The following TCHP variants were observed in gnomAD, a reference collection of about 807,000 sequenced individuals.
TCHP encodes trichoplein keratin filament binding.
A neutral mutation model predicts 88.7 loss-of-function variants in TCHP; 81 were observed. That is an observed-to-expected ratio of 0.91 (90% confidence interval 0.76 to 1.10). The LOEUF is 1.10. Ranked by LOEUF, TCHP falls within the 50% of genes least tolerant of loss-of-function variation. TCHP has a pLI of 0.00. For synonymous variants in TCHP, 232 were observed against 232.5 expected, an observed-to-expected ratio of 1.00 and a Z score of 0.02; for missense variants, 641 against 632.1, an observed-to-expected ratio of 1.01 and a Z score of -0.15.
In TCHP at chr12:109,908,870, G is replaced by C; in HGVS notation, c.813-1G>C. Reference sequence around the variant, plus strand: ...GCAGCCCACATTTGATTCTCCTTCAGGCGTTTCTTGAGACATCAGTATAAC... The same window carrying C: ...GCAGCCCACATTTGATTCTCCTTCACGCGTTTCTTGAGACATCAGTATAAC... On this transcript the variant is annotated splice_acceptor_variant, in intron 7 of 12. Coordinates refer to ENST00000405876, the MANE Select transcript of TCHP (RefSeq NM_001143852.2). LOFTEE classifies it high-confidence loss of function. The C allele has an allele frequency of 1.2e-6, 2 of 1,614,098 alleles. No individual in the cohort carries two copies. The highest frequency in any genetic ancestry group is 1.1e-5 in the South Asian group (1 of 91,060).
upstream of TCHP, among the ~76,000 whole-genome samples, chr12:109,896,003 G>A (rs544986020): frequency 9.9e-5 from 15 of 152,176 alleles, no homozygotes; most frequent in Admixed American, 7.8e-4. Context: ...TTGGAGTGCA[G>A]TGGCATGATT....
intron 4 of TCHP, 31 bp from the exon 5 acceptor site, chr12:109,906,541 G>C (rs770834751): frequency 1.7e-5 from 28 of 1,610,232 alleles, no homozygotes; most frequent in Non-Finnish European, 2.3e-5. Flanking sequence ...GTCTGGTGAG[G>C]AAATTCACAT....
chr12:109,894,327 G>A, the TCHP span, among the ~76,000 whole-genome samples: 1 of 151,848 alleles, frequency 6.6e-6, no homozygotes, highest in African/African-American at 2.4e-5. Context: ...GGGCGTGGTG[G>A]TGGGCACCTG....
At chr12:109,889,677 G>C in the TCHP span, among the ~76,000 whole-genome samples, 1 of 152,154 alleles carries the variant, frequency 6.6e-6, no homozygotes, top group East Asian at 1.9e-4. Flanking sequence ...GATTTCAATG[G>C]GTTAATGTAG....
rs1291504713 is a variant in TCHP at position 109,911,183 on chromosome 12, G to A, written c.1000G>A (p.Glu334Lys). The A allele has an allele frequency of 1.9e-6, 3 of 1,591,414 alleles. No individual in the cohort carries two copies. The highest frequency in any genetic ancestry group is 2.6e-6 in the Non-Finnish European group (3 of 1,171,546). ...GGCCTGGATGAAGCAGGCCATTGAG[G>A]AGCAGCTGCAGCTGGAGCGGGCGCG... ...DVAWMKQAIEEQLQLERAREA... is the reference protein window; with the variant it reads ...DVAWMKQAIEKQLQLERAREA... The change falls in exon 9 of 13, where the codon GAG becomes AAG. Residue 334 changes from glutamate to lysine, a missense_variant. By Grantham distance (56) the Glu-to-Lys change is moderately conservative. Coordinates refer to ENST00000405876, the MANE Select transcript of TCHP (RefSeq NM_001143852.2).
In TCHP at chr12:109,917,463, C is replaced by A. The variant is rs1044107888; in HGVS notation, c.*840C>A. The A allele has an allele frequency of 1.3e-5, 2 of 152,140 alleles. No individual in the cohort carries two copies. Among genetic ancestry groups the A allele is most frequent in the Non-Finnish European group, 2.9e-5 (2 of 68,044 alleles). The allele number at this position is 152,140 out of a possible 1,614,324, so 9.4% of individuals were successfully genotyped here. A position where few individuals can be genotyped will look rare whatever the true frequency, so the allele number is the denominator to read the frequency against. On this transcript the variant is annotated 3_prime_UTR_variant, in exon 13 of 13. Transcript: ENST00000405876. ...CCCCATCTCTAAAACCAAAAAGGTA[C>A]CTTAGAAGGTCACCTGGTTGGCTAA...
At chr12:109,885,542 G>A in the TCHP span, among the ~76,000 whole-genome samples, 1 of 147,914 alleles carries the variant, frequency 6.8e-6, no homozygotes. Flanking sequence ...GAGTGCAGTG[G>A]CACAATCTCG....
At position 109,917,184 on chromosome 12, in the gene TCHP, C is replaced by T. The variant is rs1263488577; in HGVS notation, c.*561C>T. 6.6e-6 allele frequency: 1 copy of T among 152,250 alleles called. No homozygotes were observed. The highest frequency in any genetic ancestry group is 1.5e-5 in the Non-Finnish European group (1 of 68,080). The allele number at this position is 152,250 out of a possible 1,614,324, so 9.4% of individuals were successfully genotyped here. On this transcript the variant is annotated 3_prime_UTR_variant, in exon 13 of 13. Transcript: ENST00000405876. Reference sequence around the variant, plus strand: ...GTGAACAAATTAGAACCCCGGAACACTCTGACGTCCATGGACGCATTCCAG... The same window carrying T: ...GTGAACAAATTAGAACCCCGGAACATTCTGACGTCCATGGACGCATTCCAG...
chr12:109,912,383 G>A (rs1189760267), intron 9 of TCHP, among the ~76,000 whole-genome samples: 4 of 152,146 alleles, frequency 2.6e-5, no homozygotes, highest in South Asian at 2.1e-4. Flanking sequence ...CACAGGCAGC[G>A]CCCTCCTCTC....
the TCHP span, among the ~76,000 whole-genome samples, chr12:109,893,152 G>A: frequency 2.6e-5 from 4 of 152,108 alleles, no homozygotes; most frequent in African/African-American, 9.7e-5. Context: ...GGCTGAGGTG[G>A]GTGGATCACC....
chr12:109,903,226 G>T lies in TCHP; in HGVS notation c.188+12G>T, dbSNP rs367791718. 1 of 1,599,002 alleles carries T rather than the reference G, an allele frequency of 6.3e-7. No homozygotes were observed. The highest frequency in any genetic ancestry group is 8.6e-7 in the Non-Finnish European group (1 of 1,169,360). On this transcript the variant is annotated intron_variant, in intron 2 of 12. Transcript: ENST00000405876. The surrounding 1 kb of genome is among the most constrained non-coding windows in gnomAD (Gnocchi z 4.6). ...TCCTACCAGCGGAGGTAATTGTGCG[G>T]TAACTGCCGATTGGATGGAAGTGGG...
rs1467362776 is a variant in TCHP, at chr12:109,911,201, CG to C, written c.1021del (p.Ala341ArgfsTer10). 2 of 1,585,638 alleles carry C rather than the reference CG, an allele frequency of 1.3e-6. No homozygotes were observed. The highest frequency in any genetic ancestry group is 1.7e-6 in the Non-Finnish European group (2 of 1,168,744). ...QAIEEQLQLERAREAELQMLL... is the reference protein window; with the variant it reads ...QAIEEQLQLEXAREAELQMLL... ...CATTGAGGAGCAGCTGCAGCTGGAG[CG>C]GGCGCGGGAGGCAGAGCTGCAGATG... is the stretch of plus-strand genomic sequence containing the variant. On this transcript the variant is annotated frameshift_variant, in exon 9 of 13. Transcript: ENST00000405876. LOFTEE classifies it high-confidence loss of function.
Position 109,916,636 on chromosome 12 carries a change from C to A in TCHP, c.*13C>A, listed in dbSNP as rs1870834645. ...TGCTTGGAACTGACTTCATGGGTAC[C>A]ATAAGTACAGAGAACAAGGGATGCT... On this transcript the variant is annotated 3_prime_UTR_variant, in exon 13 of 13. Coordinates refer to ENST00000405876, the MANE Select transcript of TCHP (RefSeq NM_001143852.2). The A allele has an allele frequency of 6.2e-7, 1 of 1,612,778 alleles. No individual in the cohort carries two copies. Among genetic ancestry groups the A allele is most frequent in the African/African-American group, 1.3e-5 (1 of 74,880 alleles).
At position 109,917,287 on chromosome 12, in the gene TCHP, A is replaced by G. The variant is rs1253049577; in HGVS notation, c.*664A>G. ...TTCCATAGAGCATTGTCTGTGAGTG[A>G]CTGATCCCAACATGTATGTTACTAA... On this transcript the variant is annotated 3_prime_UTR_variant, in exon 13 of 13. Transcript: ENST00000405876. 6.6e-6 allele frequency: 1 copy of G among 152,108 alleles called. No homozygotes were observed. The highest frequency in any genetic ancestry group is 1.5e-5 in the Non-Finnish European group (1 of 68,038). 9.4% of individuals were successfully genotyped at this position (152,108 alleles called of 1,614,324 possible).
At chr12:109,899,521 T>C (rs11068827), upstream of TCHP, among the ~76,000 whole-genome samples, 1 of 152,034 alleles carries the variant, frequency 6.6e-6, no homozygotes, top group African/African-American at 2.4e-5. Context: ...GCCTGTAGTC[T>C]CAGCTACTCG....
rs1870755410 is a variant in TCHP, at chr12:109,915,439, CAGCAGG to C, written c.1360_1365del (p.Gln454_Glu455del). ...CCGGCTGCAGGCATGGGAAGCAGACCAGCAGGAGGAGGAGGAAGAGGAGGAGGCCCG... is the reference window on the plus strand; with the variant it reads ...CCGGCTGCAGGCATGGGAAGCAGACCAGGAGGAGGAAGAGGAGGAGGCCCG... On this transcript the variant is annotated inframe_deletion, in exon 12 of 13. Transcript: ENST00000405876. The C allele has an allele frequency of 7.4e-6, 12 of 1,614,150 alleles. No individual in the cohort carries two copies. The highest frequency in any genetic ancestry group is 9.3e-6 in the Non-Finnish European group (11 of 1,180,030).
chr12:109,906,529 C>T, intron 4 of TCHP, 43 bp from the exon 5 acceptor site: 3 of 1,597,434 alleles, frequency 1.9e-6, no homozygotes, highest in Non-Finnish European at 2.6e-6. Flanking sequence ...CAGTGCCCAT[C>T]TGTCTGGTGA....
At chr12:109,889,242 G>A in the TCHP span, among the ~76,000 whole-genome samples, 1 of 152,102 alleles carries the variant, frequency 6.6e-6, no homozygotes, top group Non-Finnish European at 1.5e-5. Flanking sequence ...GGGAGGCCGA[G>A]GCAGGCAGAT....
chr12:109,904,033 G>A lies in TCHP; in HGVS notation c.285G>A (p.Gln95=). The change falls in exon 3 of 13, where the codon CAG becomes CAA. Residue 95 remains glutamine, a synonymous_variant. Transcript: ENST00000405876. The part of the protein sequence containing the change: ...EKLRQLMQEE[Q]DLLARELEEL... ...TCAGGCAGCTCATGCAGGAGGAGCAGGACCTGCTGGCCAGAGAACTGGAGG... is the reference window on the plus strand; with the variant it reads ...TCAGGCAGCTCATGCAGGAGGAGCAAGACCTGCTGGCCAGAGAACTGGAGG... 6.2e-7 allele frequency: 1 copy of A among 1,608,378 alleles called. No individual in the cohort carries two copies. The highest frequency in any genetic ancestry group is 1.7e-4 in the Middle Eastern group (1 of 6,056).
Sources: gnomAD v4.1 joint callset for allele counts (sites outside exome capture counted in the v4.1 genomes callset) on GRCh38, gnomAD v4.1.1 for gene constraint, Gnocchi (gnomAD v3.1) non-coding constraint, MANE v1.5 for transcripts, NCBI Gene and HGNC (gene_info 2026-07-23, HGNC 2026-07-21) for gene names.